Variants in CDH9 observed in about 807,000 individuals in gnomAD.
The protein encoded by CDH9 is cadherin-9.
In CDH9, 28 loss-of-function variants were observed where a neutral mutation model predicts 70.9. That is an observed-to-expected ratio of 0.40 (90% CI 0.29 to 0.54). CDH9 has a LOEUF of 0.54. Ranked by LOEUF, CDH9 falls within the 20% of genes least tolerant of loss-of-function variation. The pLI is 0.59. For missense variants in CDH9, 874 were observed against 984.4 expected, an observed-to-expected ratio of 0.89 and a Z score of 1.50; for synonymous variants, 409 against 343.1, an observed-to-expected ratio of 1.19 and a Z score of -2.12.
At position 26,992,788 on chromosome 5, in the gene CDH9, A is replaced by C. The variant is rs988664479; in HGVS notation, c.-49-4406T>G. On this transcript the variant is annotated intron_variant, in intron 1 of 11. Transcript: ENST00000231021. ...AAAAGAGAACAATAGAGAAATGCTT[A>C]ATCTTCTTCAAGAATATCTAAATAA... Among the ~76,000 whole-genome samples, 7 of 152,238 alleles carry C rather than the reference A, an allele frequency of 4.6e-5. No individual in the cohort carries two copies. The East Asian group carries it at 1.4e-3, about 29-fold the overall frequency.
At chr5:27,008,798 A>G (rs895732673) in intron 1 of CDH9, among the ~76,000 whole-genome samples, 5 of 152,186 alleles carry the variant, frequency 3.3e-5, no homozygotes, top group African/African-American at 1.2e-4. Context: ...CAGTCCACAA[A>G]TATTATGAAC....
chr5:26,935,843 T>C (rs1333109957), intron 2 of CDH9, among the ~76,000 whole-genome samples: 1 of 152,138 alleles, frequency 6.6e-6, no homozygotes, highest in African/African-American at 2.4e-5. Flanking sequence ...TGCAAAACTA[T>C]GGAACCAACC....
rs1740627398 is a variant in CDH9, at chr5:26,889,939, C to T, written c.1409G>A (p.Ser470Asn). The T allele has an allele frequency of 5.6e-6, 9 of 1,608,732 alleles. No individual in the cohort carries two copies. The highest frequency in any genetic ancestry group is 7.6e-6 in the Non-Finnish European group (9 of 1,177,160). Residue 470 changes from serine to asparagine, a missense_variant, in exon 9 of 12, where the codon AGC becomes AAC. By Grantham distance (46) the Ser-to-Asn change is conservative. Transcript: ENST00000231021. ...AATTCTGATGAAGACAGGGATGTGG[C>T]TACTTTGTTTTGGGTTATCTGCAAC... ...ATEINNPKQS[S>N]HIPVFIRILD...
At chr5:26,965,858 T>C (rs1273168293) in intron 2 of CDH9, among the ~76,000 whole-genome samples, 1 of 152,094 alleles carries the variant, frequency 6.6e-6, no homozygotes, top group Non-Finnish European at 1.5e-5. Context: ...ATCAAACTCA[T>C]AGACATTAAA....
chr5:26,960,437 G>A (rs980971116), intron 2 of CDH9, among the ~76,000 whole-genome samples: 6 of 151,920 alleles, frequency 3.9e-5, no homozygotes, highest in Admixed American at 2.6e-4. Flanking sequence ...GTTGAGGATA[G>A]CATTTTCACA....
At chr5:26,955,055 A>C (rs965446483) in intron 2 of CDH9, among the ~76,000 whole-genome samples, 10 of 152,130 alleles carry the variant, frequency 6.6e-5, no homozygotes, top group African/African-American at 2.4e-4. Flanking sequence ...AATTTAAAAA[A>C]TTTTTCATAG....
At chr5:27,014,668 T>A (rs1743016106) in intron 1 of CDH9, among the ~76,000 whole-genome samples, 1 of 151,960 alleles carries the variant, frequency 6.6e-6, no homozygotes, top group South Asian at 2.1e-4. Flanking sequence ...CATATATAAA[T>A]ATAGATATAG....
intron 2 of CDH9, among the ~76,000 whole-genome samples, chr5:26,975,286 G>A (rs1742287265): frequency 6.6e-6 from 1 of 152,104 alleles, no homozygotes; most frequent in African/African-American, 2.4e-5. Context: ...CAATTTGAAG[G>A]TTTGAATTAT....
At chr5:26,901,947 T>C (rs1282606865) in intron 7 of CDH9, among the ~76,000 whole-genome samples, 2 of 151,958 alleles carry the variant, frequency 1.3e-5, no homozygotes, top group African/African-American at 4.8e-5. Flanking sequence ...AAAATTTTGA[T>C]ATGTGTTAGG....
chr5:26,928,971 C>A (rs1357173894), intron 2 of CDH9, among the ~76,000 whole-genome samples: 2 of 151,838 alleles, frequency 1.3e-5, no homozygotes, highest in African/African-American at 4.8e-5. Flanking sequence ...GCACAGGCAA[C>A]AAAAGCAAAA....
rs1275615228 is a variant in CDH9, at chr5:27,001,840, A to ACTCTCT, written c.-49-13459_-49-13458insAGAGAG. Among the ~76,000 whole-genome samples, 565 of 123,480 alleles carry ACTCTCT rather than the reference A, an allele frequency of 4.6e-3. 2 individuals are homozygous for ACTCTCT. The highest frequency in any genetic ancestry group is 0.019 in the African/African-American group (528 of 27,648). 81.0% of individuals were successfully genotyped at this position (123,480 alleles called of 152,430 possible). A position where few individuals can be genotyped will look rare whatever the true frequency, so the allele number is the denominator to read the frequency against. ...AGCAGTGCTTAACATACACACACACACACACTCTCTCTCTCTCTCTCTCTC... is the reference window on the plus strand; with the variant it reads ...AGCAGTGCTTAACATACACACACACACTCTCTCACACTCTCTCTCTCTCTCTCTCTC... On this transcript the variant is annotated intron_variant, in intron 1 of 11. Transcript: ENST00000231021.
intron 5 of CDH9, 40 bp downstream of exon 5, chr5:26,905,919 G>T: frequency 6.6e-7 from 1 of 1,511,108 alleles, no homozygotes; most frequent in Non-Finnish European, 9.2e-7. Flanking sequence ...TAGTGTATTT[G>T]AGAAGTTTTT....
intron 2 of CDH9, among the ~76,000 whole-genome samples, chr5:26,926,906 G>T (rs1741349450): frequency 1.5e-5 from 2 of 129,630 alleles, no homozygotes; most frequent in Non-Finnish European, 3.3e-5. Flanking sequence ...CCATAGTCAG[G>T]CAAAAATACA....
intron 2 of CDH9, among the ~76,000 whole-genome samples, chr5:26,922,831 A>G (rs1741268090): frequency 6.6e-6 from 1 of 151,930 alleles, no homozygotes; most frequent in Admixed American, 6.6e-5. Context: ...AGAAAAACAA[A>G]AAGTTAAAAA....
chr5:26,958,565 A>G (rs1448512192), intron 2 of CDH9, among the ~76,000 whole-genome samples: 1 of 152,198 alleles, frequency 6.6e-6, no homozygotes, highest in East Asian at 1.9e-4. Context: ...CAAAAAAATT[A>G]TCATGATATA....
At chr5:26,945,296 C>T in intron 2 of CDH9, among the ~76,000 whole-genome samples, 1 of 151,134 alleles carries the variant, frequency 6.6e-6, no homozygotes. Context: ...TCAATATGTT[C>T]TTACAAGCTT....
At chr5:26,994,474 C>A (rs1290223731) in intron 1 of CDH9, among the ~76,000 whole-genome samples, 1 of 151,876 alleles carries the variant, frequency 6.6e-6, no homozygotes, top group East Asian at 1.9e-4. Context: ...GAGATTTGTC[C>A]CTTTAAAAGG....
intron 1 of CDH9, among the ~76,000 whole-genome samples, chr5:27,020,655 C>T (rs1479860039): frequency 2.7e-5 from 4 of 150,024 alleles, no homozygotes; most frequent in Non-Finnish European, 4.5e-5. Context: ...CATCTTGATC[C>T]GATGTATTAT....
At chr5:26,978,496 G>A (rs1449742112) in intron 2 of CDH9, among the ~76,000 whole-genome samples, 1 of 151,596 alleles carries the variant, frequency 6.6e-6, no homozygotes, top group African/African-American at 2.4e-5. Context: ...ACCAAAAATA[G>A]TTTCCAACTA....
Sources: allele counts gnomAD v4.1 joint callset (sites outside exome capture counted in the v4.1 genomes callset), GRCh38; gene constraint gnomAD v4.1.1; transcripts MANE v1.5; gene names NCBI Gene and HGNC (gene_info 2026-07-23, HGNC 2026-07-21).